Variants in ELK3 observed in about 807,000 individuals in gnomAD.
ELK3 encodes the protein ETS transcription factor ELK3.
ELK3 carries 10 observed loss-of-function variants against 28.9 expected under a neutral mutation model. The observed-to-expected ratio is 0.35, with a 90% CI of 0.21 to 0.59. ELK3 has a LOEUF of 0.59. ELK3 is among the 20% of genes least tolerant of loss of function. ELK3 has a pLI of 0.82. For synonymous variants in ELK3, 272 were observed against 243.5 expected (o/e 1.12, Z -1.09); for missense variants, 463 against 517.3 (o/e 0.90, Z 1.02).
chr12:96,213,048 A>G (rs1408391600), intron 1 of ELK3, among the ~76,000 whole-genome samples: 2 of 152,180 alleles, frequency 1.3e-5, no homozygotes, highest in African/African-American at 2.4e-5. Flanking sequence ...GTGCTGGGTA[A>G]TGCAAGTGAA....
At chr12:96,253,150 C>T (rs1592689495) in intron 3 of ELK3, among the ~76,000 whole-genome samples, 1 of 152,318 alleles carries the variant, frequency 6.6e-6, no homozygotes, top group African/African-American at 2.4e-5. Flanking sequence ...AATCCCACTA[C>T]TTGGGAGCCT....
chr12:96,230,974 A>G (rs1295985999), intron 2 of ELK3, among the ~76,000 whole-genome samples: 1 of 152,104 alleles, frequency 6.6e-6, no homozygotes, highest in Non-Finnish European at 1.5e-5. Context: ...ATGTTTTGCA[A>G]CCCGGGTATG....
chr12:96,201,013 C>A, intron 1 of ELK3, among the ~76,000 whole-genome samples: 1 of 151,992 alleles, frequency 6.6e-6, no homozygotes. Context: ...TTATCCCTGG[C>A]CATTTACAAA....
intron 2 of ELK3, among the ~76,000 whole-genome samples, chr12:96,241,228 A>G (rs1951818630): frequency 6.6e-6 from 1 of 152,250 alleles, no homozygotes; most frequent in Non-Finnish European, 1.5e-5. Flanking sequence ...CATTCAACAA[A>G]CATTTAATTA....
chr12:96,254,143 G>A (rs1344331132), intron 3 of ELK3, among the ~76,000 whole-genome samples: 2 of 152,174 alleles, frequency 1.3e-5, no homozygotes, highest in African/African-American at 2.4e-5. Flanking sequence ...TGGCCAACAT[G>A]GCCAAACCCC....
At chr12:96,224,958 TC>T (rs1308841571) in intron 2 of ELK3, among the ~76,000 whole-genome samples, 1 of 152,234 alleles carries the variant, frequency 6.6e-6, no homozygotes, top group Non-Finnish European at 1.5e-5. Context: ...TATAAAGTGT[TC>T]CTTTATGTGA....
chr12:96,213,452 T>C (rs773500274), intron 1 of ELK3, among the ~76,000 whole-genome samples: 1 of 152,134 alleles, frequency 6.6e-6, no homozygotes, highest in Non-Finnish European at 1.5e-5. Flanking sequence ...TAGGATAACA[T>C]AGGGCTGGGT....
chr12:96,249,561 G>A (rs1353222897), intron 3 of ELK3, among the ~76,000 whole-genome samples: 1 of 152,198 alleles, frequency 6.6e-6, no homozygotes, highest in Non-Finnish European at 1.5e-5. Flanking sequence ...GGCAGGGCCA[G>A]GGTAGATGAT....
chr12:96,220,071 G>A (rs1337216017), intron 1 of ELK3, among the ~76,000 whole-genome samples: 2 of 152,182 alleles, frequency 1.3e-5, no homozygotes, highest in East Asian at 1.9e-4. Flanking sequence ...AAGCTCTGCA[G>A]CTTGGTTGAA....
At chr12:96,262,332 G>C (rs746357994) in intron 4 of ELK3, among the ~76,000 whole-genome samples, 2 of 152,086 alleles carry the variant, frequency 1.3e-5, no homozygotes, top group Non-Finnish European at 2.9e-5. Flanking sequence ...AAACATTTTT[G>C]TCATGTTCCT....
Position 96,247,089 on chromosome 12 carries a change from C to T in ELK3, c.357C>T (p.Arg119=), listed in dbSNP as rs767528787. Residue 119 remains arginine, a synonymous_variant, in exon 3 of 5, where the codon CGC becomes CGT. Coordinates refer to ENST00000228741, the MANE Select transcript of ELK3 (RefSeq NM_005230.4). This position sits in a 1 kb window ranked among gnomAD's most constrained non-coding sequence, Gnocchi z 5.5. ...DSDCKASPEG[R]EAHKHGLAAL... ...ACTGCAAGGCGTCTCCGGAGGGCCG[C>T]GAGGCCCACAAACACGGCCTGGCCG... 5.2e-5 allele frequency: 84 copies of T among 1,613,540 alleles called. No homozygotes were observed. The highest frequency in any genetic ancestry group is 2.0e-4 in the East Asian group (9 of 44,876).
chr12:96,263,728 G>C (rs1952010021), intron 4 of ELK3, among the ~76,000 whole-genome samples: 2 of 152,210 alleles, frequency 1.3e-5, no homozygotes, highest in African/African-American at 4.8e-5. Flanking sequence ...AGTACATTTA[G>C]ATGAATAGAG....
At chr12:96,224,879 C>T (rs989187447) in intron 2 of ELK3, among the ~76,000 whole-genome samples, 3 of 152,064 alleles carry the variant, frequency 2.0e-5, no homozygotes, top group African/African-American at 4.8e-5. Flanking sequence ...TAGGGTATGC[C>T]GTCTGCCAAC....
intron 2 of ELK3, among the ~76,000 whole-genome samples, chr12:96,233,735 A>T (rs1355715745): frequency 2.0e-5 from 3 of 152,228 alleles, no homozygotes; most frequent in Non-Finnish European, 4.4e-5. Context: ...GTGGAGAAGG[A>T]ACAAACATCC....
At chr12:96,249,638 G>A (rs1951888375) in intron 3 of ELK3, among the ~76,000 whole-genome samples, 1 of 136,806 alleles carries the variant, frequency 7.3e-6, no homozygotes, top group Non-Finnish European at 1.6e-5. Context: ...TCCGAAGCCA[G>A]GCCAGGGCTG....
intron 1 of ELK3, among the ~76,000 whole-genome samples, chr12:96,205,979 A>G (rs1951535879): frequency 6.6e-6 from 1 of 152,226 alleles, no homozygotes; most frequent in Admixed American, 6.5e-5. Context: ...TACTTTAATG[A>G]CAAAACTATA....
chr12:96,202,651 C>T (rs1951514705), intron 1 of ELK3, among the ~76,000 whole-genome samples: 1 of 151,858 alleles, frequency 6.6e-6, no homozygotes, highest in African/African-American at 2.4e-5. Context: ...CTCAACCTCC[C>T]AAGTAGCTGG....
chr12:96,209,380 C>T (rs1951561461), intron 1 of ELK3, among the ~76,000 whole-genome samples: 1 of 152,068 alleles, frequency 6.6e-6, no homozygotes, highest in Admixed American at 6.6e-5. Flanking sequence ...AAAGATTTTA[C>T]AGTTTCAACA....
rs1276165217 is a variant in ELK3, at chr12:96,269,573, G to A, written c.*2393G>A. On this transcript the variant is annotated 3_prime_UTR_variant, in exon 5 of 5. Transcript: ENST00000228741. ...CATATAGCTCTGCCTCATTCTGTGT[G>A]TGTGTGCATGTGTGTGTTAGCAGAG... is the stretch of plus-strand genomic sequence containing the variant. The A allele has an allele frequency of 6.6e-6, 1 of 152,220 alleles. No individual in the cohort carries two copies. Among genetic ancestry groups the A allele is most frequent in the Non-Finnish European group, 1.5e-5 (1 of 68,032 alleles). 9.4% of individuals were successfully genotyped at this position (152,220 alleles called of 1,614,324 possible).
Sources: allele counts gnomAD v4.1 joint callset (sites outside exome capture counted in the v4.1 genomes callset), GRCh38; gene constraint gnomAD v4.1.1; non-coding constraint Gnocchi (gnomAD v3.1); transcripts MANE v1.5; gene names NCBI Gene and HGNC (gene_info 2026-07-23, HGNC 2026-07-21).